The following TRIM7 variants were observed in gnomAD, a reference collection of about 807,000 sequenced individuals.
The protein encoded by TRIM7 is E3 ubiquitin-protein ligase TRIM7.
In TRIM7, 32 loss-of-function variants were observed where a neutral mutation model predicts 37.9. That is an observed-to-expected ratio of 0.84 (90% CI 0.64 to 1.13). TRIM7 has a LOEUF of 1.13. Ranked by LOEUF, TRIM7 falls within the 50% of genes most tolerant of loss-of-function variation. TRIM7 has a pLI of 0.00. For missense variants in TRIM7, 732 were observed against 714.0 expected (o/e 1.03, Z -0.29); for synonymous variants, 351 against 321.3 (o/e 1.09, Z -0.99).
chr5:181,194,118 C>G lies in TRIM7; in HGVS notation c.*1048G>C, dbSNP rs73364050. 28,204 of 152,342 alleles carry G rather than the reference C, an allele frequency of 0.19. 5,433 individuals carry two copies. Among genetic ancestry groups the G allele is most frequent in the African/African-American group, 0.5 (20,724 of 41,520 alleles). 9.4% of individuals were successfully genotyped at this position (152,342 alleles called of 1,614,324 possible). A position where few individuals can be genotyped will look rare whatever the true frequency, so the allele number is the denominator to read the frequency against. ...CTGAGAAGGCCTTGGCACCAGGGTG[C>G]TCTGCTGTTGGCATTTTCCTGAGTC... is the stretch of plus-strand genomic sequence containing the variant. On this transcript the variant is annotated 3_prime_UTR_variant, in exon 7 of 7. Transcript: ENST00000274773.
At chr5:181,198,147 G>A in intron 6 of TRIM7, 36 bp downstream of exon 6, 1 of 1,612,260 alleles carries the variant, frequency 6.2e-7, no homozygotes, top group Non-Finnish European at 8.5e-7. Context: ...CTGTGTGGCA[G>A]ACAGTCCATA....
chr5:181,200,091 G>C lies in TRIM7; in HGVS notation c.619-10C>G. 1.9e-6 allele frequency: 3 copies of C among 1,614,266 alleles called. No individual in the cohort carries two copies. Among genetic ancestry groups the C allele is most frequent in the Non-Finnish European group, 2.5e-6 (3 of 1,180,052 alleles). On this transcript the variant is annotated splice_polypyrimidine_tract_variant and intron_variant, in intron 2 of 6. Coordinates refer to ENST00000274773, the MANE Select transcript of TRIM7 (RefSeq NM_203293.3). Reference sequence around the variant, plus strand: ...CCGCTGCCATCTGTTTCTGTCCCAGGAGGAGAAGTTGGAGAGGGACTTGAA... The same window carrying C: ...CCGCTGCCATCTGTTTCTGTCCCAGCAGGAGAAGTTGGAGAGGGACTTGAA...
At chr5:181,200,485 C>A (rs1008595811) in intron 2 of TRIM7, 11 of 1,113,852 alleles carry the variant, frequency 9.9e-6, no homozygotes, top group Non-Finnish European at 1.2e-5. Flanking sequence ...TTTATTTCAT[C>A]ACCCTCAAAC....
intron 2 of TRIM7, 137 bp from the exon 3 acceptor site, chr5:181,200,218 C>T (rs1349032126): frequency 1.9e-6 from 3 of 1,559,208 alleles, no homozygotes; most frequent in East Asian, 4.5e-5. Flanking sequence ...CCTACGCACG[C>T]AGTGCGTGCT....
At chr5:181,203,519 G>A (rs752251065) in intron 2 of TRIM7, 26 bp downstream of exon 2, 12 of 1,613,458 alleles carry the variant, frequency 7.4e-6, no homozygotes, top group African/African-American at 2.7e-5. Flanking sequence ...AATGTCCCAC[G>A]GGGGGCCTGC....
chr5:181,204,573 TG>T lies in TRIM7; in HGVS notation c.522+15del. The T allele has an allele frequency of 7.3e-7, 1 of 1,373,424 alleles. No homozygotes were observed. The highest frequency in any genetic ancestry group is 9.4e-7 in the Non-Finnish European group (1 of 1,068,338). 85.1% of individuals were successfully genotyped at this position (1,373,424 alleles called of 1,614,324 possible). A position where few individuals can be genotyped will look rare whatever the true frequency, so the allele number is the denominator to read the frequency against. ...GGGTCCCGGGGACCCACGGGGTGGGTGGGGGCTGCGCTCACCTTGGCCTCCT... is the reference window on the plus strand; with the variant it reads ...GGGTCCCGGGGACCCACGGGGTGGGTGGGGCTGCGCTCACCTTGGCCTCCT... On this transcript the variant is annotated intron_variant, in intron 1 of 6. Coordinates refer to ENST00000274773, the MANE Select transcript of TRIM7 (RefSeq NM_203293.3).
rs1561653502 is a variant in TRIM7 at position 181,204,961 on chromosome 5, G to A, written c.150C>T (p.Arg50=). 35 of 1,471,414 alleles carry A rather than the reference G, an allele frequency of 2.4e-5. No individual in the cohort carries two copies. Among genetic ancestry groups the A allele is most frequent in the Non-Finnish European group, 2.9e-5 (33 of 1,119,794 alleles). 91.1% of individuals were successfully genotyped at this position (1,471,414 alleles called of 1,614,324 possible). A position where few individuals can be genotyped will look rare whatever the true frequency, so the allele number is the denominator to read the frequency against. The change falls in exon 1 of 7, where the codon CGC becomes CGT. Residue 50 remains arginine (R), a synonymous_variant. Coordinates refer to ENST00000274773, the MANE Select transcript of TRIM7 (RefSeq NM_203293.3). ...VSVECGHSFC[R]ACIGRCWERP... ...GCTCCCAGCAGCGCCCTATGCAGGC[G>A]CGGCAGAAGCTGTGGCCGCACTCGA...
In TRIM7 at chr5:181,205,040, TG is replaced by T; in HGVS notation, c.70del (p.Gln24ArgfsTer10). 7.0e-7 allele frequency: 1 copy of T among 1,424,996 alleles called. No individual in the cohort carries two copies. The allele number at this position is 1,424,996 out of a possible 1,614,324, so 88.3% of individuals were successfully genotyped here. A position where few individuals can be genotyped will look rare whatever the true frequency, so the allele number is the denominator to read the frequency against. ...GCAGATGGAGCACGTCGCCTCGCCC[TG>T]CAGCTCTGCCGCCAGCGCTAGAGCC... Reference protein sequence around the residue: ...AEALALAAELQGEATCSICLE... With the variant: ...AEALALAAELXGEATCSICLE... On this transcript the variant is annotated frameshift_variant, in exon 1 of 7. Transcript: ENST00000274773. LOFTEE classifies it high-confidence loss of function.
At position 181,195,269 on chromosome 5, in the gene TRIM7, T is replaced by C. The variant is rs753216591; in HGVS notation, c.1433A>G (p.Glu478Gly). ...GAAGGTGTAGAGGTGGCGCATGTCC[T>C]CCACAGCGTAGAAGGACACGGCTCC... ...EVGAVSFYAV[E>G]DMRHLYTFRV... The change falls in exon 7 of 7, where the codon GAG (glutamate) becomes GGG (glycine). Residue 478 changes from glutamate to glycine, a missense_variant. Physicochemically the swap from Glu to Gly is moderately conservative, Grantham distance 98 (BLOSUM62 -2). Coordinates refer to ENST00000274773, the MANE Select transcript of TRIM7 (RefSeq NM_203293.3). 6.2e-7 allele frequency: 1 copy of C among 1,610,196 alleles called. No individual in the cohort carries two copies. Among genetic ancestry groups the C allele is most frequent in the African/African-American group, 1.3e-5 (1 of 74,932 alleles).
rs1253469264 is a variant in TRIM7, at chr5:181,195,535, G to A, written c.1167C>T (p.Ser389=). Residue 389 remains serine, a synonymous_variant, in exon 7 of 7, where the codon TCC becomes TCT. Coordinates refer to ENST00000274773, the MANE Select transcript of TRIM7 (RefSeq NM_203293.3). ...RFDTNTRVLA[S]CGFSSGRHHW... ...GATGCCGGCCCGAGGAGAAGCCGCAGGACGCCAGGACGCGGGTGTTGGTGT... is the reference window on the plus strand; with the variant it reads ...GATGCCGGCCCGAGGAGAAGCCGCAAGACGCCAGGACGCGGGTGTTGGTGT... 1 of 1,612,500 alleles carries A rather than the reference G, an allele frequency of 6.2e-7. No homozygotes were observed. Among genetic ancestry groups the A allele is most frequent in the Admixed American group, 1.7e-5 (1 of 59,968 alleles).
At chr5:181,200,961 C>T (rs1757448637) in intron 2 of TRIM7, 2 of 982,224 alleles carry the variant, frequency 2.0e-6, no homozygotes. Flanking sequence ...ATATTAACTC[C>T]CTCAACCCTG....
At chr5:181,195,737 C>T (rs1005027580) in intron 6 of TRIM7, 60 bp from the exon 7 acceptor site, 33 of 1,499,686 alleles carry the variant, frequency 2.2e-5, no homozygotes, top group Non-Finnish European at 2.8e-5. Context: ...ACAGTCTTTG[C>T]AGGGCCGCGC....
rs774397485 is a variant in TRIM7 at position 181,198,259 on chromosome 5, G to C, written c.989-41C>G. 10 of 1,607,240 alleles carry C rather than the reference G, an allele frequency of 6.2e-6. No homozygotes were observed. In the East Asian group the frequency reaches 8.9e-5, roughly 14 times the overall value. On this transcript the variant is annotated intron_variant, in intron 5 of 6. Coordinates refer to ENST00000274773, the MANE Select transcript of TRIM7 (RefSeq NM_203293.3). The stretch of plus-strand genomic sequence containing the variant: ...AAAGCAAGGCGTGCATGAGCGACAC[G>C]GGAGATTATATGGCAAGGTCACCAG...
rs1757438235 is a variant in TRIM7 at position 181,200,817 on chromosome 5, C to T, written c.619-736G>A. On this transcript the variant is annotated intron_variant, in intron 2 of 6. Transcript: ENST00000274773. Reference sequence around the variant, plus strand: ...ACTCAATATGTCCCACCAGGAAGTTCCTCTTCCTTAAAACTCCTGGGCGGA... The same window carrying T: ...ACTCAATATGTCCCACCAGGAAGTTTCTCTTCCTTAAAACTCCTGGGCGGA... 7.1e-6 allele frequency: 7 copies of T among 985,448 alleles called. No individual in the cohort carries two copies. The South Asian group carries it at 3.3e-4, about 46-fold the overall frequency. 61.0% of individuals were successfully genotyped at this position (985,448 alleles called of 1,614,324 possible).
chr5:181,195,825 C>G, intron 6 of TRIM7, 148 bp from the exon 7 acceptor site: 1 of 979,156 alleles, frequency 1.0e-6, no homozygotes, highest in Middle Eastern at 3.4e-4. Context: ...AACCAACCCC[C>G]ACGCTCTGCC....
Position 181,204,575 on chromosome 5 carries a change from G to A in TRIM7, c.522+14C>T. 1 of 1,379,334 alleles carries A rather than the reference G, an allele frequency of 7.2e-7. No homozygotes were observed. The highest frequency in any genetic ancestry group is 9.3e-7 in the Non-Finnish European group (1 of 1,071,728). The allele number at this position is 1,379,334 out of a possible 1,614,324, so 85.4% of individuals were successfully genotyped here. ...GTCCCGGGGACCCACGGGGTGGGTG[G>A]GGGCTGCGCTCACCTTGGCCTCCTG... is the stretch of plus-strand genomic sequence containing the variant. On this transcript the variant is annotated intron_variant, in intron 1 of 6. Transcript: ENST00000274773.
rs1161631466 is a variant in TRIM7, at chr5:181,195,072, C to G, written c.*94G>C. On this transcript the variant is annotated 3_prime_UTR_variant, in exon 7 of 7. Transcript: ENST00000274773. Reference sequence around the variant, plus strand: ...TCTTGGGCAGCAGGGGTCAGGAGCACGGAGGGCAGACCCAAGACGGACCAG... The same window carrying G: ...TCTTGGGCAGCAGGGGTCAGGAGCAGGGAGGGCAGACCCAAGACGGACCAG... The G allele has an allele frequency of 1.4e-6, 2 of 1,465,722 alleles. No individual in the cohort carries two copies. The highest frequency in any genetic ancestry group is 2.8e-5 in the African/African-American group (2 of 70,470). The allele number at this position is 1,465,722 out of a possible 1,614,324, so 90.8% of individuals were successfully genotyped here.
chr5:181,205,195 C>T lies in TRIM7; in HGVS notation c.-85G>A. The T allele has an allele frequency of 1.6e-6, 2 of 1,238,440 alleles. No homozygotes were observed. The highest frequency in any genetic ancestry group is 1.0e-6 in the Non-Finnish European group (1 of 979,726). The allele number at this position is 1,238,440 out of a possible 1,614,324, so 76.7% of individuals were successfully genotyped here. A position where few individuals can be genotyped will look rare whatever the true frequency, so the allele number is the denominator to read the frequency against. On this transcript the variant is annotated 5_prime_UTR_variant, in exon 1 of 7. The change creates a new upstream start codon in the 5' untranslated region. Coordinates refer to ENST00000274773, the MANE Select transcript of TRIM7 (RefSeq NM_203293.3). The stretch of plus-strand genomic sequence containing the variant: ...CGCGGAGCTGGGCGCCGAGGGCCCA[C>T]TGGGAGAGGAAGGGCGGGGCTGCCA...
intron 6 of TRIM7, 159 bp downstream of exon 6, chr5:181,198,024 G>A (rs1757238505): frequency 4.3e-6 from 3 of 694,670 alleles, no homozygotes; most frequent in East Asian, 5.5e-5. Context: ...CCCAGGATGG[G>A]GAGGGGGTGG....
Sources: allele counts gnomAD v4.1 joint callset, GRCh38; gene constraint gnomAD v4.1.1; transcripts MANE v1.5; gene names NCBI Gene and HGNC (gene_info 2026-07-23, HGNC 2026-07-21).